PTPRM: variants seen among roughly 807,000 people sequenced by gnomAD.
The protein encoded by PTPRM is protein tyrosine phosphatase receptor type M, also known as receptor-type tyrosine-protein phosphatase mu.
In PTPRM, 47 loss-of-function variants were observed where a neutral mutation model predicts 186.7. The ratio of observed to expected loss-of-function variants is 0.25; its 90% CI spans 0.20 to 0.32. The LOEUF (loss-of-function observed/expected upper bound fraction) is 0.32, where lower values mean the gene tolerates loss of function less well. Among genes scored for constraint, PTPRM ranks in the 10% least tolerant of loss-of-function variants. The pLI is 1.00. For synonymous variants in PTPRM, 668 were observed against 674.9 expected (o/e 0.99, Z 0.16); for missense variants, 1,494 against 1,865.0 (o/e 0.80, Z 3.66).
At chr18:8,102,499 A>G (rs1483996591) in intron 11 of PTPRM, among the ~76,000 whole-genome samples, 1 of 152,152 alleles carries the variant, frequency 6.6e-6, no homozygotes, top group East Asian at 1.9e-4. Context: ...TCACAAGTAG[A>G]TTTCATCTCA....
chr18:8,053,216 T>C (rs1367741783), intron 7 of PTPRM, among the ~76,000 whole-genome samples: 2 of 152,212 alleles, frequency 1.3e-5, no homozygotes, highest in South Asian at 4.1e-4. Flanking sequence ...GTTTTCACTT[T>C]CCTTATGATA....
intron 7 of PTPRM, among the ~76,000 whole-genome samples, chr18:8,014,817 G>A (rs1333625109): frequency 1.3e-5 from 2 of 152,070 alleles, no homozygotes; most frequent in African/African-American, 2.4e-5. Flanking sequence ...AAACCAGTGG[G>A]ATTATCCTTT....
intron 7 of PTPRM, among the ~76,000 whole-genome samples, chr18:8,048,716 A>G (rs1162951182): frequency 6.6e-6 from 1 of 152,222 alleles, no homozygotes; most frequent in Non-Finnish European, 1.5e-5. Context: ...ATAGAAAACT[A>G]TCTAATCATA....
At chr18:8,026,133 G>A (rs905551334) in intron 7 of PTPRM, among the ~76,000 whole-genome samples, 2 of 152,220 alleles carry the variant, frequency 1.3e-5, no homozygotes, top group African/African-American at 4.8e-5. Flanking sequence ...TCAAAGTGCA[G>A]GGTTGAAGAT....
chr18:8,046,560 G>A (rs1481325451), intron 7 of PTPRM, among the ~76,000 whole-genome samples: 2 of 152,136 alleles, frequency 1.3e-5, no homozygotes, highest in African/African-American at 4.8e-5. Context: ...GGAGGGAGCG[G>A]TCAGGGACGA....
At chr18:8,032,771 C>T (rs181149992) in intron 7 of PTPRM, among the ~76,000 whole-genome samples, 122 of 151,974 alleles carry the variant, frequency 8.0e-4, no homozygotes, top group Admixed American at 9.2e-4. Flanking sequence ...TTTAGAAAAG[C>T]GGCATTTCAT....
intron 2 of PTPRM, among the ~76,000 whole-genome samples, chr18:7,882,326 A>AG (rs2048552351): frequency 6.6e-6 from 1 of 152,138 alleles, no homozygotes; most frequent in Admixed American, 6.5e-5. Context: ...TTTTAAAAAA[A>AG]CAACAACAAC....
intron 14 of PTPRM, among the ~76,000 whole-genome samples, chr18:8,160,359 T>C (rs2093206032): frequency 6.6e-6 from 1 of 152,176 alleles, no homozygotes; most frequent in Admixed American, 6.5e-5. Flanking sequence ...ACAAGCTCGC[T>C]GCAGCCTCAA....
intron 1 of PTPRM, among the ~76,000 whole-genome samples, chr18:7,759,744 A>C (rs1276938957): frequency 6.6e-6 from 1 of 152,200 alleles, no homozygotes; most frequent in African/African-American, 2.4e-5. Context: ...AGGACTGGCT[A>C]TGTGAAGCCA....
At chr18:8,249,425 C>G (rs1260318785) in intron 17 of PTPRM, among the ~76,000 whole-genome samples, 1 of 152,124 alleles carries the variant, frequency 6.6e-6, no homozygotes, top group Non-Finnish European at 1.5e-5. Flanking sequence ...ACTTTTAATA[C>G]CAATTAAAAG....
chr18:7,947,816 T>A (rs1018357485), intron 5 of PTPRM, among the ~76,000 whole-genome samples: 1 of 152,132 alleles, frequency 6.6e-6, no homozygotes, highest in Non-Finnish European at 1.5e-5. Context: ...GCTAGCCAGC[T>A]CATCTTTCCT....
intron 2 of PTPRM, among the ~76,000 whole-genome samples, chr18:7,871,038 C>T (rs549320298): frequency 6.6e-6 from 1 of 152,266 alleles, no homozygotes; most frequent in African/African-American, 2.4e-5. Context: ...AGCAAAACAC[C>T]AAGCTGTAAA....
At position 8,090,294 on chromosome 18, in the gene PTPRM, G is replaced by A. The variant is rs116615415; in HGVS notation, c.1856+1443G>A. 4.4e-3 allele frequency among the ~76,000 whole-genome samples: 667 copies of A among 152,234 alleles called. 2 individuals carry two copies. The highest frequency in any genetic ancestry group is 0.016 in the African/African-American group (646 of 41,558). ...GACCATGGCCTTGGGAGTGTCATTT[G>A]TTTCTGACCCACTTAACAGTTGCTC... On this transcript the variant is annotated intron_variant, in intron 11 of 32. Transcript: ENST00000580170.
chr18:8,139,788 C>A (rs1270200796), intron 13 of PTPRM, among the ~76,000 whole-genome samples: 1 of 113,114 alleles, frequency 8.8e-6, no homozygotes, highest in Non-Finnish European at 2.0e-5. Context: ...CTTGCCTTCA[C>A]CCCCCAGCCC....
chr18:7,715,622 C>CGAAA (rs761942229), intron 1 of PTPRM, among the ~76,000 whole-genome samples: 34 of 152,138 alleles, frequency 2.2e-4, no homozygotes, highest in Non-Finnish European at 5.9e-5. Flanking sequence ...CATCTCAACC[C>CGAAA]GAAATCTCCT....
At chr18:7,683,190 G>A (rs1335279994) in intron 1 of PTPRM, among the ~76,000 whole-genome samples, 2 of 142,148 alleles carry the variant, frequency 1.4e-5, no homozygotes, top group African/African-American at 5.5e-5. Flanking sequence ...TTTTGAGATG[G>A]GGTCTTGCTC....
intron 1 of PTPRM, among the ~76,000 whole-genome samples, chr18:7,755,807 G>A (rs1048570275): frequency 6.6e-5 from 10 of 152,122 alleles, no homozygotes; most frequent in African/African-American, 2.2e-4. Flanking sequence ...CTCGCTGTGC[G>A]GGCAGCTAAG....
chr18:8,082,161 A>G (rs193060551), intron 9 of PTPRM, among the ~76,000 whole-genome samples: 82 of 152,256 alleles, frequency 5.4e-4, no homozygotes, highest in Non-Finnish European at 9.8e-4. Flanking sequence ...CCAAATATTT[A>G]CTGATCACAG....
chr18:8,274,542 T>C (rs1007089123), intron 19 of PTPRM, among the ~76,000 whole-genome samples: 2 of 152,246 alleles, frequency 1.3e-5, no homozygotes, highest in African/African-American at 4.8e-5. Context: ...CTGGCAATTA[T>C]GTCAGAACCA....
Sources: allele counts gnomAD v4.1 joint callset (sites outside exome capture counted in the v4.1 genomes callset), GRCh38; gene constraint gnomAD v4.1.1; transcripts MANE v1.5; gene names NCBI Gene and HGNC (gene_info 2026-07-23, HGNC 2026-07-21).